The following SNTG1 variants were observed in gnomAD, a reference collection of about 807,000 sequenced individuals.
The protein encoded by SNTG1 is gamma-1-syntrophin.
In SNTG1, 39 loss-of-function variants were observed where a neutral mutation model predicts 74.7. The observed-to-expected ratio is 0.52, with a 90% CI of 0.40 to 0.68. The LOEUF (loss-of-function observed/expected upper bound fraction) is 0.68. Ranked by LOEUF, SNTG1 falls within the 30% of genes least tolerant of loss-of-function variation. SNTG1 has a pLI of 0.00. For synonymous variants in SNTG1, 254 were observed against 217.1 expected, an observed-to-expected ratio of 1.17 and a Z score of -1.49; for missense variants, 685 against 609.5, an observed-to-expected ratio of 1.12 and a Z score of -1.30.
intron 4 of SNTG1, among the ~76,000 whole-genome samples, chr8:50,414,522 T>C (rs2092990230): frequency 1.3e-5 from 2 of 152,142 alleles, no homozygotes; most frequent in African/African-American, 4.8e-5. Context: ...TGTTTGCCTT[T>C]GGGTCTCTGC....
intron 3 of SNTG1, among the ~76,000 whole-genome samples, chr8:50,399,352 T>G (rs963520067): frequency 6.6e-6 from 1 of 152,194 alleles, no homozygotes; most frequent in African/African-American, 2.4e-5. Flanking sequence ...ATCTAATAAT[T>G]TGTGAACATT....
chr8:49,913,143 G>A (rs999726665), intron 1 of SNTG1, among the ~76,000 whole-genome samples: 6 of 152,122 alleles, frequency 3.9e-5, no homozygotes, highest in Admixed American at 1.3e-4. Flanking sequence ...TTTGTAACCC[G>A]TGCCTGACAT....
chr8:49,976,260 T>G (rs1812181507), intron 1 of SNTG1, among the ~76,000 whole-genome samples: 1 of 152,204 alleles, frequency 6.6e-6, no homozygotes, highest in Non-Finnish European at 1.5e-5. Context: ...AAAATAAGTT[T>G]TTTTTGTTTC....
At chr8:50,091,895 G>T (rs1383046153) in intron 1 of SNTG1, among the ~76,000 whole-genome samples, 3 of 151,920 alleles carry the variant, frequency 2.0e-5, no homozygotes, top group Non-Finnish European at 4.4e-5. Context: ...GATTTAATCT[G>T]AGTAAACTAC....
intron 1 of SNTG1, among the ~76,000 whole-genome samples, chr8:49,938,597 C>CTTTTCTTTTCTTTTTTTTT (rs1554524894): frequency 9.2e-5 from 3 of 32,512 alleles, no homozygotes; most frequent in Admixed American, 4.2e-4. Context: ...CTTTTCTTTT[C>CTTTTCTTTTCTTTTTTTTT]TTTTCTTTTC....
intron 1 of SNTG1, among the ~76,000 whole-genome samples, chr8:50,089,938 C>T (rs1038143720): frequency 6.6e-6 from 1 of 152,142 alleles, no homozygotes; most frequent in Non-Finnish European, 1.5e-5. Context: ...AATCATGCTG[C>T]TATAAAGACA....
chr8:50,787,742 C>T (rs1287642004), intron 18 of SNTG1, among the ~76,000 whole-genome samples: 3 of 151,856 alleles, frequency 2.0e-5, no homozygotes, highest in Non-Finnish European at 4.4e-5. Context: ...CGTAGATAAT[C>T]ACAAAATATC....
At chr8:49,943,742 TC>T (rs1219756812) in intron 1 of SNTG1, among the ~76,000 whole-genome samples, 1 of 152,256 alleles carries the variant, frequency 6.6e-6, no homozygotes, top group Non-Finnish European at 1.5e-5. Flanking sequence ...ACATTGCATT[TC>T]CTCTTCTTTT....
At chr8:50,174,793 G>C (rs995146351) in intron 2 of SNTG1, among the ~76,000 whole-genome samples, 6 of 151,824 alleles carry the variant, frequency 4.0e-5, no homozygotes, top group Admixed American at 3.9e-4. Context: ...CATGTGCCAT[G>C]TTGGTGTGCT....
At position 50,557,714 on chromosome 8, in the gene SNTG1, C is replaced by CAAGG. The variant is rs552990159; in HGVS notation, c.810+4537_810+4540dup. ...AAGATCTTTAACTGAAGTAGATCTGCAAGGACCCTTTATCTGGTTCCAGGT... is the reference window on the plus strand; with the variant it reads ...AAGATCTTTAACTGAAGTAGATCTGCAAGGAAGGACCCTTTATCTGGTTCCAGGT... On this transcript the variant is annotated intron_variant, in intron 12 of 18. Transcript: ENST00000642720. 7.9e-5 allele frequency among the ~76,000 whole-genome samples: 12 copies of CAAGG among 152,332 alleles called. No homozygotes were observed. In the East Asian group the frequency reaches 2.3e-3, roughly 29 times the overall value.
At chr8:49,919,824 T>C (rs1302210835) in intron 1 of SNTG1, among the ~76,000 whole-genome samples, 2 of 152,080 alleles carry the variant, frequency 1.3e-5, no homozygotes, top group Non-Finnish European at 2.9e-5. Context: ...AGCTAGACTA[T>C]TTCCCTTTTG....
intron 13 of SNTG1, among the ~76,000 whole-genome samples, chr8:50,653,453 T>C (rs1035259462): frequency 2.6e-5 from 4 of 152,176 alleles, no homozygotes; most frequent in African/African-American, 7.2e-5. Flanking sequence ...GTAAAAACTT[T>C]ATAAGGTTGC....
intron 1 of SNTG1, among the ~76,000 whole-genome samples, chr8:50,143,803 A>C (rs1214227717): frequency 6.6e-6 from 1 of 152,228 alleles, no homozygotes; most frequent in East Asian, 1.9e-4. Context: ...TATTTAGTTG[A>C]TAATGGGGAG....
In SNTG1 at chr8:50,553,078, G is replaced by T. The variant is rs1262058926; in HGVS notation, c.709G>T (p.Asp237Tyr). Residue 237 changes from aspartate (D) to tyrosine (Y), a missense_variant, in exon 12 of 19, where the codon GAT becomes TAT. Asp to Tyr is a radical substitution (Grantham distance 160). Coordinates refer to ENST00000642720, the MANE Select transcript of SNTG1 (RefSeq NM_018967.5). ...GAATGCCTTTCAAGTCATTGCTGTG[G>T]ATGGGGTCTGCACTGGGATTATTCA... ...RQNAFQVIAVDGVCTGIIQCL... is the reference protein window; with the variant it reads ...RQNAFQVIAVYGVCTGIIQCL... 2 of 1,613,792 alleles carry T rather than the reference G, an allele frequency of 1.2e-6. No homozygotes were observed. Among genetic ancestry groups the T allele is most frequent in the Non-Finnish European group, 1.7e-6 (2 of 1,179,856 alleles).
chr8:50,205,420 T>G (rs1157471976), intron 2 of SNTG1, among the ~76,000 whole-genome samples: 1 of 152,218 alleles, frequency 6.6e-6, no homozygotes, highest in African/African-American at 2.4e-5. Context: ...ATGGGGTTGT[T>G]TGATTTTTTT....
intron 13 of SNTG1, among the ~76,000 whole-genome samples, chr8:50,637,650 G>A (rs535028276): frequency 4.5e-4 from 68 of 152,062 alleles, no homozygotes; most frequent in African/African-American, 1.3e-3. Context: ...CAAGCAATGC[G>A]CAGGATTGGA....
At chr8:49,934,709 G>A (rs1221737941) in intron 1 of SNTG1, among the ~76,000 whole-genome samples, 1 of 152,148 alleles carries the variant, frequency 6.6e-6, no homozygotes, top group Admixed American at 6.5e-5. Flanking sequence ...CAAAAATACA[G>A]ATGCAAATAT....
chr8:50,623,471 T>C (rs1036306068), intron 13 of SNTG1, among the ~76,000 whole-genome samples: 2 of 152,152 alleles, frequency 1.3e-5, no homozygotes, highest in African/African-American at 4.8e-5. Flanking sequence ...CATCTGAGTA[T>C]CTTGTAGCAA....
At chr8:50,021,942 AAAAAAAT>A (rs925856987) in intron 1 of SNTG1, among the ~76,000 whole-genome samples, 7 of 109,398 alleles carry the variant, frequency 6.4e-5, no homozygotes, top group East Asian at 3.7e-4. Context: ...CCCTCTCAAA[AAAAAAAT>A]AAAAATAAAA....
Sources: gnomAD v4.1 joint callset for allele counts (sites outside exome capture counted in the v4.1 genomes callset) on GRCh38, gnomAD v4.1.1 for gene constraint, MANE v1.5 for transcripts, NCBI Gene and HGNC (gene_info 2026-07-23, HGNC 2026-07-21) for gene names.